The following BAZ2B variants were observed in gnomAD, a reference collection of about 807,000 sequenced individuals.
The protein encoded by BAZ2B is bromodomain adjacent to zinc finger domain 2B.
BAZ2B carries 91 observed loss-of-function variants against 246.0 expected under a neutral mutation model. The observed-to-expected ratio is 0.37, with a 90% CI of 0.31 to 0.44. The LOEUF (loss-of-function observed/expected upper bound fraction) is 0.44. Ranked by LOEUF, BAZ2B falls within the 20% of genes least tolerant of loss-of-function variation. The pLI, the probability that BAZ2B is intolerant of heterozygous loss-of-function variation, is 1.00. For synonymous variants in BAZ2B, 855 were observed against 860.0 expected, an observed-to-expected ratio of 0.99 and a Z score of 0.10; for missense variants, 2,332 against 2,533.7, an observed-to-expected ratio of 0.92 and a Z score of 1.71.
At chr2:159,347,418 A>G in intron 31 of BAZ2B, 68 bp downstream of exon 31, 1 of 1,458,318 alleles carries the variant, frequency 6.9e-7, no homozygotes, top group Non-Finnish European at 9.6e-7. Context: ...AGCATATATT[A>G]GGCAAGTAAT....
chr2:159,575,428 C>T (rs911522155), intron 1 of BAZ2B, among the ~76,000 whole-genome samples: 5 of 152,112 alleles, frequency 3.3e-5, no homozygotes, highest in South Asian at 2.1e-4. Context: ...ATCTTCTAGA[C>T]ACAGAGTTAT....
intron 2 of BAZ2B, among the ~76,000 whole-genome samples, chr2:159,529,922 G>C (rs1470280685): frequency 6.6e-6 from 1 of 151,872 alleles, no homozygotes; most frequent in Non-Finnish European, 1.5e-5. Flanking sequence ...TTATGATTTT[G>C]TTTTTCATAT....
chr2:159,630,322 C>CA, the BAZ2B span, among the ~76,000 whole-genome samples: 5 of 151,458 alleles, frequency 3.3e-5, no homozygotes, highest in African/African-American at 9.7e-5. Flanking sequence ...GACTGCATCT[C>CA]AAAAAAACCA....
At position 159,430,732 on chromosome 2, in the gene BAZ2B, T is replaced by C. The variant is rs2070941700; in HGVS notation, c.2194+131A>G. The C allele has an allele frequency of 2.8e-6, 4 of 1,413,718 alleles. No individual in the cohort carries two copies. The East Asian group carries it at 7.4e-5, about 26-fold the overall frequency. The allele number at this position is 1,413,718 out of a possible 1,614,324, so 87.6% of individuals were successfully genotyped here. A position where few individuals can be genotyped will look rare whatever the true frequency, so the allele number is the denominator to read the frequency against. On this transcript the variant is annotated intron_variant, in intron 10 of 36. Coordinates refer to ENST00000392783, the MANE Select transcript of BAZ2B (RefSeq NM_013450.4). Reference sequence around the variant, plus strand: ...TATCCTTTGAAAATACAGGCTCACCTTCCTTAGCCAACCTAAAATCTAACT... The same window carrying C: ...TATCCTTTGAAAATACAGGCTCACCCTCCTTAGCCAACCTAAAATCTAACT...
intron 2 of BAZ2B, among the ~76,000 whole-genome samples, chr2:159,511,891 C>A (rs896667611): frequency 2.6e-5 from 4 of 151,708 alleles, no homozygotes; most frequent in East Asian, 1.9e-4. Context: ...ATAAGTTATA[C>A]CTAAAGAAGT....
intron 19 of BAZ2B, chr2:159,397,059 T>A (rs546870725): frequency 2.6e-4 from 354 of 1,385,612 alleles, no homozygotes; most frequent in Non-Finnish European, 3.3e-4. Flanking sequence ...TGTACAAAAA[T>A]AAACATACCC....
intron 1 of BAZ2B, among the ~76,000 whole-genome samples, chr2:159,562,864 C>T (rs370043988): frequency 6.6e-6 from 1 of 152,040 alleles, no homozygotes; most frequent in Non-Finnish European, 1.5e-5. Flanking sequence ...ATTTGACCCT[C>T]GCAAGATTGC....
chr2:159,487,686 C>T (rs950013754), intron 2 of BAZ2B, among the ~76,000 whole-genome samples: 1 of 151,964 alleles, frequency 6.6e-6, no homozygotes, highest in African/African-American at 2.4e-5. Flanking sequence ...TATCTATCCA[C>T]TATTCCCTTT....
At chr2:159,587,239 T>C (rs1046415576) in intron 1 of BAZ2B, among the ~76,000 whole-genome samples, 10 of 151,976 alleles carry the variant, frequency 6.6e-5, no homozygotes, top group Admixed American at 3.3e-4. Flanking sequence ...CCACCACGCC[T>C]GGCTAATTTT....
At chr2:159,710,347 T>G in the BAZ2B span, among the ~76,000 whole-genome samples, 17 of 152,050 alleles carry the variant, frequency 1.1e-4, no homozygotes, top group African/African-American at 3.6e-4. Context: ...TAGCAGGGAC[T>G]ACAGGCGCCT....
At chr2:159,432,401 T>C (rs929095673) in intron 9 of BAZ2B, among the ~76,000 whole-genome samples, 25 of 152,152 alleles carry the variant, frequency 1.6e-4, no homozygotes, top group African/African-American at 5.8e-4. Flanking sequence ...ATTTTATCTG[T>C]GTTCAAAACA....
chr2:159,622,777 T>G, the BAZ2B span, among the ~76,000 whole-genome samples: 54 of 150,776 alleles, frequency 3.6e-4, 1 homozygote, highest in Non-Finnish European at 5.6e-4. Flanking sequence ...CTTTGAGAGG[T>G]TGAGGCAGGC....
In BAZ2B at chr2:159,519,236, T is replaced by TTTTTTTTA. The variant is rs1553692833; in HGVS notation, c.-3+36586_-3+36587insTAAAAAAA. On this transcript the variant is annotated intron_variant, in intron 2 of 36. Transcript: ENST00000392783. Reference sequence around the variant, plus strand: ...TTTTTTTTTTTTTTTTTTTTTTTTTTTTTTGAGACGGAGTCTCGCTCTGTC... The same window carrying TTTTTTTTA: ...TTTTTTTTTTTTTTTTTTTTTTTTTTTTTTTTTATTTTGAGACGGAGTCTCGCTCTGTC... 7.5e-4 allele frequency among the ~76,000 whole-genome samples: 53 copies of TTTTTTTTA among 70,610 alleles called. 3 individuals carry two copies. The highest frequency in any genetic ancestry group is 1.1e-3 in the Non-Finnish European group (39 of 35,886). 46.3% of individuals were successfully genotyped at this position (70,610 alleles called of 152,430 possible).
intron 17 of BAZ2B, 41 bp from the exon 18 acceptor site, chr2:159,398,935 CACT>C (rs773288068): frequency 6.4e-7 from 1 of 1,563,620 alleles, no homozygotes; most frequent in Non-Finnish European, 8.7e-7. Flanking sequence ...GCAACAGCAC[CACT>C]ACAACTTGCA....
chr2:159,551,562 A>C (rs556184440), intron 2 of BAZ2B, among the ~76,000 whole-genome samples: 2 of 152,076 alleles, frequency 1.3e-5, no homozygotes, highest in Non-Finnish European at 2.9e-5. Flanking sequence ...AAATATAGCC[A>C]CTATAATAAT....
At chr2:159,364,114 C>T (rs1226867084) in intron 27 of BAZ2B, among the ~76,000 whole-genome samples, 1 of 152,164 alleles carries the variant, frequency 6.6e-6, no homozygotes, top group East Asian at 1.9e-4. Context: ...GTCCCCTTTA[C>T]TCTCTTCCAA....
intron 27 of BAZ2B, among the ~76,000 whole-genome samples, chr2:159,372,642 G>A (rs1186144826): frequency 6.6e-6 from 1 of 152,214 alleles, no homozygotes; most frequent in Non-Finnish European, 1.5e-5. Context: ...GGATTATGAT[G>A]AAGATCTTAG....
chr2:159,357,162 T>C (rs2059203189), intron 27 of BAZ2B, among the ~76,000 whole-genome samples: 1 of 151,810 alleles, frequency 6.6e-6, no homozygotes, highest in Non-Finnish European at 1.5e-5. Flanking sequence ...AGAAGGTGGG[T>C]AATAACAAAC....
chr2:159,332,789 A>G (rs2065000270), intron 33 of BAZ2B, 103 bp from the exon 34 acceptor site: 2 of 1,305,828 alleles, frequency 1.5e-6, no homozygotes, highest in Admixed American at 4.4e-5. Flanking sequence ...AGTAATGAAC[A>G]TTCCGCTTGC....
Sources: gnomAD v4.1 joint callset for allele counts (sites outside exome capture counted in the v4.1 genomes callset) on GRCh38, gnomAD v4.1.1 for gene constraint, MANE v1.5 for transcripts, NCBI Gene and HGNC (gene_info 2026-07-23, HGNC 2026-07-21) for gene names.